Variants in SLC4A10 observed in about 807,000 individuals in gnomAD.
SLC4A10 encodes solute carrier family 4 member 10, also known as sodium-driven chloride bicarbonate exchanger.
SLC4A10 carries 42 observed loss-of-function variants against 137.7 expected under a neutral mutation model. The ratio of observed to expected loss-of-function variants is 0.30; its 90% CI spans 0.24 to 0.39. SLC4A10 has a LOEUF of 0.39. SLC4A10 is among the 10% of genes least tolerant of loss of function. SLC4A10 has a pLI of 1.00. For missense variants in SLC4A10, 925 were observed against 1,355.0 expected, an observed-to-expected ratio of 0.68 and a Z score of 4.98; for synonymous variants, 474 against 464.1, an observed-to-expected ratio of 1.02 and a Z score of -0.27.
At chr2:161,783,820 G>C (rs555801226) in intron 2 of SLC4A10, among the ~76,000 whole-genome samples, 1 of 151,648 alleles carries the variant, frequency 6.6e-6, no homozygotes, top group East Asian at 1.9e-4. Flanking sequence ...TGAAAAATGA[G>C]AGCAAGAGAG....
At chr2:161,764,117 A>G (rs1032392402) in intron 1 of SLC4A10, among the ~76,000 whole-genome samples, 1 of 152,174 alleles carries the variant, frequency 6.6e-6, no homozygotes, top group Non-Finnish European at 1.5e-5. Context: ...ATGCCTCTCA[A>G]TAGGAGACTG....
intron 15 of SLC4A10, among the ~76,000 whole-genome samples, chr2:161,912,788 A>G (rs556197445): frequency 4.6e-5 from 7 of 152,278 alleles, no homozygotes; most frequent in African/African-American, 1.7e-4. Context: ...GTAAAATTAA[A>G]TGTACTCAGG....
chr2:161,731,973 A>G (rs1044354279), intron 1 of SLC4A10, among the ~76,000 whole-genome samples: 4 of 152,156 alleles, frequency 2.6e-5, no homozygotes, highest in African/African-American at 7.2e-5. Flanking sequence ...TGACTCCTTT[A>G]TATTTACCAG....
chr2:161,876,407 G>A (rs1168443621), intron 8 of SLC4A10, among the ~76,000 whole-genome samples: 1 of 152,132 alleles, frequency 6.6e-6, no homozygotes, highest in Non-Finnish European at 1.5e-5. Flanking sequence ...CCAAGGGCAT[G>A]GTGGCTGACA....
At chr2:161,932,035 A>C (rs1575706186) in intron 15 of SLC4A10, among the ~76,000 whole-genome samples, 1 of 152,136 alleles carries the variant, frequency 6.6e-6, no homozygotes, top group Non-Finnish European at 1.5e-5. Flanking sequence ...CCTTTTTGTC[A>C]TTAATAAATA....
At chr2:161,855,727 C>A (rs2060062290) in intron 5 of SLC4A10, among the ~76,000 whole-genome samples, 1 of 151,878 alleles carries the variant, frequency 6.6e-6, no homozygotes, top group East Asian at 1.9e-4. Context: ...AGTCAAAGAA[C>A]TCCTGTATCT....
At chr2:161,913,689 A>G (rs1172820991) in intron 15 of SLC4A10, among the ~76,000 whole-genome samples, 2 of 152,000 alleles carry the variant, frequency 1.3e-5, no homozygotes, top group Non-Finnish European at 2.9e-5. Flanking sequence ...AACCAAATGA[A>G]TTATAGTGAA....
chr2:161,840,489 A>T lies in SLC4A10; in HGVS notation c.416+562A>T, dbSNP rs2059114549. On this transcript the variant is annotated intron_variant, in intron 4 of 26. Transcript: ENST00000446997. ...ATTTTTACATTGCTATATAATTGATAGAGTTCTGTAAAGTTGGAATTAAAT... is the reference window on the plus strand; with the variant it reads ...ATTTTTACATTGCTATATAATTGATTGAGTTCTGTAAAGTTGGAATTAAAT... Among the ~76,000 whole-genome samples, 3 of 152,234 alleles carry T rather than the reference A, an allele frequency of 2.0e-5. No individual in the cohort carries two copies. The South Asian group carries it at 6.2e-4, about 31-fold the overall frequency.
chr2:161,698,098 G>A (rs1021751828), intron 1 of SLC4A10, among the ~76,000 whole-genome samples: 1 of 152,060 alleles, frequency 6.6e-6, no homozygotes. Flanking sequence ...TTATGATTTG[G>A]CTCTCTGTTT....
At chr2:161,765,789 A>G (rs2050742185) in intron 1 of SLC4A10, among the ~76,000 whole-genome samples, 1 of 152,004 alleles carries the variant, frequency 6.6e-6, no homozygotes, top group South Asian at 2.1e-4. Context: ...CTAGAGAGTA[A>G]CTCAGTACAA....
intron 2 of SLC4A10, among the ~76,000 whole-genome samples, chr2:161,776,418 T>C (rs189801082): frequency 1.4e-4 from 22 of 152,096 alleles, no homozygotes; most frequent in Admixed American, 1.4e-3. Context: ...TCTGTGAATT[T>C]AGCTACTTTA....
chr2:161,660,585 TTTC>T (rs1553479824), intron 1 of SLC4A10, among the ~76,000 whole-genome samples: 64 of 132,254 alleles, frequency 4.8e-4, no homozygotes, highest in Non-Finnish European at 6.6e-4. Flanking sequence ...TCTTTCTTTC[TTTC>T]TTTCTTTCTT....
chr2:161,917,357 T>TTAGATAGTG (rs916943789), intron 15 of SLC4A10, among the ~76,000 whole-genome samples: 71 of 152,184 alleles, frequency 4.7e-4, no homozygotes, highest in African/African-American at 1.5e-3. Flanking sequence ...TCTCTGATAG[T>TTAGATAGTG]TAGATAGTGT....
chr2:161,895,237 G>A (rs999030232), intron 11 of SLC4A10, among the ~76,000 whole-genome samples: 16 of 151,902 alleles, frequency 1.1e-4, no homozygotes, highest in African/African-American at 3.4e-4. Context: ...TACAAAGGAT[G>A]TGAACTCATC....
At chr2:161,836,956 T>A (rs2058857044) in intron 3 of SLC4A10, among the ~76,000 whole-genome samples, 1 of 152,180 alleles carries the variant, frequency 6.6e-6, no homozygotes, top group African/African-American at 2.4e-5. Flanking sequence ...CACTGACATA[T>A]TCTTTAGGCA....
intron 5 of SLC4A10, among the ~76,000 whole-genome samples, 187 bp downstream of exon 5, chr2:161,855,317 T>G (rs2060040036): frequency 6.6e-6 from 1 of 152,182 alleles, no homozygotes; most frequent in African/African-American, 2.4e-5. Context: ...CAGAGAAATA[T>G]GCTCTAGTTT....
chr2:161,761,202 A>C (rs1414959141), intron 1 of SLC4A10, among the ~76,000 whole-genome samples: 1 of 152,030 alleles, frequency 6.6e-6, no homozygotes, highest in South Asian at 2.1e-4. Flanking sequence ...GTTAGTCTCT[A>C]TATAGCACTG....
At chr2:161,918,064 T>G (rs1293458126) in intron 15 of SLC4A10, among the ~76,000 whole-genome samples, 1 of 152,226 alleles carries the variant, frequency 6.6e-6, no homozygotes, top group Non-Finnish European at 1.5e-5. Flanking sequence ...CATTTTATGA[T>G]TAATACTTAG....
At chr2:161,740,359 A>G (rs902644911) in intron 1 of SLC4A10, among the ~76,000 whole-genome samples, 2 of 152,136 alleles carry the variant, frequency 1.3e-5, no homozygotes, top group African/African-American at 2.4e-5. Flanking sequence ...TTGCATTCCC[A>G]GGTAGCATGA....
Sources: allele counts gnomAD v4.1 joint callset (sites outside exome capture counted in the v4.1 genomes callset), GRCh38; gene constraint gnomAD v4.1.1; transcripts MANE v1.5; gene names NCBI Gene and HGNC (gene_info 2026-07-23, HGNC 2026-07-21).